The following CCDC122 variants were observed in gnomAD, a reference collection of about 807,000 sequenced individuals.
CCDC122 encodes coiled-coil domain containing 122.
A neutral mutation model predicts 37.0 loss-of-function variants in CCDC122; 38 were observed. That is an observed-to-expected ratio of 1.03 (90% confidence interval 0.79 to 1.35). CCDC122 has a LOEUF of 1.35. Among genes scored for constraint, CCDC122 ranks in the 40% most tolerant of loss-of-function variants. The pLI, the probability that CCDC122 is intolerant of heterozygous loss-of-function variation, is 0.00. For synonymous variants in CCDC122, 83 were observed against 95.6 expected (o/e 0.87, Z 0.77); for missense variants, 305 against 310.0 (o/e 0.98, Z 0.12).
intron 3 of CCDC122, among the ~76,000 whole-genome samples, chr13:43,830,717 A>G (rs4942246): frequency 0.38 from 57,104 of 152,114 alleles, 10,988 homozygotes; most frequent in East Asian, 0.51. Context: ...AAGAGATGAT[A>G]GATTCTTGCA....
chr13:43,825,648 T>C (rs1045274839), intron 3 of CCDC122, among the ~76,000 whole-genome samples: 2 of 151,940 alleles, frequency 1.3e-5, no homozygotes, highest in African/African-American at 4.8e-5. Context: ...TGTGCGCTTG[T>C]AGTCCCAGCT....
chr13:43,861,004 A>C (rs1277022966), intron 4 of CCDC122, among the ~76,000 whole-genome samples: 1 of 152,224 alleles, frequency 6.6e-6, no homozygotes, highest in African/African-American at 2.4e-5. Flanking sequence ...GACTAGGAGC[A>C]GCTGAGGTTG....
chr13:43,845,513 C>T (rs1953490017), intron 6 of CCDC122, among the ~76,000 whole-genome samples: 1 of 152,202 alleles, frequency 6.6e-6, no homozygotes, highest in African/African-American at 2.4e-5. Flanking sequence ...GAGTACAAGA[C>T]CAGCCTGGCC....
intron 6 of CCDC122, among the ~76,000 whole-genome samples, chr13:43,851,275 T>C (rs1322987165): frequency 6.6e-6 from 1 of 152,008 alleles, no homozygotes; most frequent in African/African-American, 2.4e-5. Context: ...AAAGCAAAAC[T>C]ATGAGTAAAT....
intron 2 of CCDC122, 89 bp downstream of exon 2, chr13:43,874,751 ACT>A (rs750368813): frequency 2.6e-5 from 4 of 152,264 alleles, no homozygotes; most frequent in Non-Finnish European, 5.9e-5. Flanking sequence ...TTTAGAGACA[ACT>A]CTTTTCAAAC....
rs113968948 is a variant in CCDC122 at position 43,839,096 on chromosome 13, T to C, written c.673-1667A>G. On this transcript the variant is annotated intron_variant, in intron 6 of 6. Transcript: ENST00000444614. ...GGATGGGTGGTGCAAGGTCTGGTAA[T>C]GGGCGGGTATGGAAAAAATGTATTA... 4.9e-4 allele frequency among the ~76,000 whole-genome samples: 74 copies of C among 152,224 alleles called. 1 individual carries two copies. The highest frequency in any genetic ancestry group is 1.5e-3 in the African/African-American group (64 of 41,546).
intron 3 of CCDC122, among the ~76,000 whole-genome samples, chr13:43,827,290 A>G (rs1321800365): frequency 6.6e-6 from 1 of 152,248 alleles, no homozygotes; most frequent in Non-Finnish European, 1.5e-5. Flanking sequence ...GTAAAATTAT[A>G]CAAGTAGATT....
rs184663196 is a variant in CCDC122 at position 43,869,475 on chromosome 13, T to C, written c.-99A>G. ...ATCTTTCACTTTTGTTTTTTCCTGT[T>C]GTATATTGGTGATCCTGAAAGGTAA... On this transcript the variant is annotated 5_prime_UTR_variant, in exon 3 of 7. Coordinates refer to ENST00000444614, the MANE Select transcript of CCDC122 (RefSeq NM_144974.5). 8.0e-6 allele frequency: 7 copies of C among 871,006 alleles called. No homozygotes were observed. The Admixed American group carries it at 1.8e-4, about 22-fold the overall frequency. 54.0% of individuals were successfully genotyped at this position (871,006 alleles called of 1,614,324 possible).
chr13:43,847,023 T>C (rs1247054750), intron 6 of CCDC122, among the ~76,000 whole-genome samples: 1 of 152,238 alleles, frequency 6.6e-6, no homozygotes, highest in East Asian at 1.9e-4. Flanking sequence ...GGTTTGTTTA[T>C]TATGTTTGCT....
At chr13:43,825,137 A>T (rs1430722141) in intron 3 of CCDC122, among the ~76,000 whole-genome samples, 1 of 152,244 alleles carries the variant, frequency 6.6e-6, no homozygotes, top group Non-Finnish European at 1.5e-5. Flanking sequence ...AATAGCAAAG[A>T]CATGCAATCA....
At chr13:43,819,087 G>A (rs1952978129), downstream of CCDC122, among the ~76,000 whole-genome samples, 1 of 152,136 alleles carries the variant, frequency 6.6e-6, no homozygotes, top group Admixed American at 6.5e-5. Context: ...TATGAACGAT[G>A]TTGAACCTCA....
At chr13:43,863,129 T>C (rs1405039642) in intron 4 of CCDC122, among the ~76,000 whole-genome samples, 1 of 152,104 alleles carries the variant, frequency 6.6e-6, no homozygotes, top group African/African-American at 2.4e-5. Flanking sequence ...ATAATAAACG[T>C]AGTCATTATT....
downstream of CCDC122, among the ~76,000 whole-genome samples, chr13:43,832,855 A>C (rs921048650): frequency 1.3e-5 from 2 of 152,178 alleles, no homozygotes; most frequent in African/African-American, 2.4e-5. Context: ...ATCAGGGAAA[A>C]TAATACATGC....
At chr13:43,864,005 A>G (rs542879122) in intron 4 of CCDC122, among the ~76,000 whole-genome samples, 1 of 152,184 alleles carries the variant, frequency 6.6e-6, no homozygotes, top group South Asian at 2.1e-4. Context: ...ATTCATTTTG[A>G]GTTAATTTTT....
At chr13:43,846,922 T>C (rs921702588) in intron 6 of CCDC122, among the ~76,000 whole-genome samples, 4 of 152,224 alleles carry the variant, frequency 2.6e-5, no homozygotes, top group African/African-American at 9.6e-5. Context: ...TACTATTAGT[T>C]GTGTTCATAG....
chr13:43,863,905 A>G (rs1954193564), intron 4 of CCDC122, among the ~76,000 whole-genome samples: 1 of 152,176 alleles, frequency 6.6e-6, no homozygotes, highest in Non-Finnish European at 1.5e-5. Flanking sequence ...TGTCATATTA[A>G]AGAAATCATT....
At chr13:43,833,525 A>G (rs1485859427), downstream of CCDC122, among the ~76,000 whole-genome samples, 1 of 152,216 alleles carries the variant, frequency 6.6e-6, no homozygotes, top group Non-Finnish European at 1.5e-5. Flanking sequence ...AGGAGTGGGG[A>G]AGAATGCATG....
chr13:43,864,846 G>A (rs1174030716), intron 4 of CCDC122, among the ~76,000 whole-genome samples: 1 of 152,100 alleles, frequency 6.6e-6, no homozygotes, highest in Admixed American at 6.6e-5. Context: ...ATGGGGGCTG[G>A]CTGTCAAAAA....
In CCDC122 at chr13:43,872,031, T is replaced by A. The variant is rs141897788; in HGVS notation, c.-113-2542A>T. ...TATATCTAAATCCCTGAACGTTCAG[T>A]TGCTTGATGTCTTCTTTCATCTATT... On this transcript the variant is annotated intron_variant, in intron 2 of 6. Transcript: ENST00000444614. Among the ~76,000 whole-genome samples, 39 of 152,122 alleles carry A rather than the reference T, an allele frequency of 2.6e-4. No individual in the cohort carries two copies. In the East Asian group the frequency reaches 7.5e-3, roughly 29 times the overall value.
Sources: allele counts gnomAD v4.1 joint callset (sites outside exome capture counted in the v4.1 genomes callset), GRCh38; gene constraint gnomAD v4.1.1; transcripts MANE v1.5; gene names NCBI Gene and HGNC (gene_info 2026-07-23, HGNC 2026-07-21).